Variants in RBMS3 observed in about 807,000 individuals in gnomAD.
The protein encoded by RBMS3 is RNA binding motif single stranded interacting protein 3.
In RBMS3, 27 loss-of-function variants were observed where a neutral mutation model predicts 66.8. The observed-to-expected ratio is 0.40, with a 90% CI of 0.30 to 0.56. The LOEUF (loss-of-function observed/expected upper bound fraction) is 0.56. RBMS3 is among the 20% of genes least tolerant of loss of function. The probability of loss-of-function intolerance (pLI) is 0.40; values close to 1 mark genes in which losing one functional copy is unlikely to be tolerated. For synonymous variants in RBMS3, 188 were observed against 183.0 expected, an observed-to-expected ratio of 1.03 and a Z score of -0.22; for missense variants, 513 against 549.5, an observed-to-expected ratio of 0.93 and a Z score of 0.66.
At chr3:29,821,926 G>A (rs1350399999) in intron 6 of RBMS3, among the ~76,000 whole-genome samples, 1 of 152,116 alleles carries the variant, frequency 6.6e-6, no homozygotes, top group African/African-American at 2.4e-5. Context: ...GAAAAGAAGT[G>A]ACCAGGAATA....
At chr3:29,385,016 T>A (rs1472578718) in intron 1 of RBMS3, among the ~76,000 whole-genome samples, 1 of 151,940 alleles carries the variant, frequency 6.6e-6, no homozygotes, top group Non-Finnish European at 1.5e-5. Flanking sequence ...AACCTCCTCA[T>A]CTTTGACACC....
intron 1 of RBMS3, among the ~76,000 whole-genome samples, chr3:29,377,228 T>A (rs1055445637): frequency 6.6e-6 from 1 of 152,184 alleles, no homozygotes; most frequent in Admixed American, 6.5e-5. Context: ...CAATTCCTGC[T>A]ATAGCAGCAG....
At chr3:29,977,647 A>G in intron 12 of RBMS3, among the ~76,000 whole-genome samples, 1 of 152,172 alleles carries the variant, frequency 6.6e-6, no homozygotes, top group East Asian at 1.9e-4. Context: ...CTACACATTC[A>G]CATGTGAAAA....
intron 1 of RBMS3, among the ~76,000 whole-genome samples, chr3:29,431,441 T>TGC (rs2125718169): frequency 1.3e-5 from 2 of 151,916 alleles, no homozygotes; most frequent in East Asian, 3.9e-4. Context: ...TATAGGCACA[T>TGC]ACCACCATGC....
intron 6 of RBMS3, among the ~76,000 whole-genome samples, chr3:29,803,595 A>C (rs990488790): frequency 4.6e-5 from 7 of 152,070 alleles, no homozygotes; most frequent in African/African-American, 1.7e-4. Flanking sequence ...CAAAAGATAT[A>C]TTTTATCAAC....
intron 2 of RBMS3, among the ~76,000 whole-genome samples, chr3:29,440,372 G>C (rs2041572140): frequency 6.6e-6 from 1 of 152,148 alleles, no homozygotes; most frequent in Non-Finnish European, 1.5e-5. Flanking sequence ...AAGGAACAGA[G>C]TGCATTGTTT....
intron 10 of RBMS3, among the ~76,000 whole-genome samples, chr3:29,922,646 A>G (rs2060822870): frequency 6.6e-6 from 1 of 152,232 alleles, no homozygotes; most frequent in Non-Finnish European, 1.5e-5. Flanking sequence ...TTTGGCATAT[A>G]TACTATAATT....
At chr3:29,600,406 C>T (rs546463231) in intron 4 of RBMS3, among the ~76,000 whole-genome samples, 4 of 151,988 alleles carry the variant, frequency 2.6e-5, no homozygotes, top group Non-Finnish European at 4.4e-5. Context: ...GCCACTTTGA[C>T]CTTCTCTCTT....
At chr3:29,300,170 G>A (rs72849578) in intron 1 of RBMS3, among the ~76,000 whole-genome samples, 3,199 of 152,026 alleles carry the variant, frequency 0.021, 126 homozygotes, top group African/African-American at 0.073. Flanking sequence ...CAGAGTAGAC[G>A]GAGATGTTGG....
intron 3 of RBMS3, among the ~76,000 whole-genome samples, chr3:29,522,571 T>C (rs1331671685): frequency 6.6e-6 from 1 of 152,132 alleles, no homozygotes; most frequent in East Asian, 1.9e-4. Flanking sequence ...TAGAGGATTG[T>C]GGCAGGAGAT....
At chr3:29,944,126 T>C in intron 11 of RBMS3, 81 bp from the exon 12 acceptor site, 1 of 1,294,878 alleles carries the variant, frequency 7.7e-7, no homozygotes, top group Non-Finnish European at 1.1e-6. Context: ...CACAGCGGAC[T>C]CTTCCACGTG....
chr3:29,911,194 T>C (rs889631199), intron 10 of RBMS3, among the ~76,000 whole-genome samples: 1 of 151,840 alleles, frequency 6.6e-6, no homozygotes, highest in Non-Finnish European at 1.5e-5. Context: ...GACCAACAAG[T>C]GTTGGGTGTC....
chr3:29,349,206 T>C (rs2036761699), intron 1 of RBMS3, among the ~76,000 whole-genome samples: 1 of 152,170 alleles, frequency 6.6e-6, no homozygotes, highest in Admixed American at 6.5e-5. Flanking sequence ...CGTGGAGATC[T>C]ACTCCTAAAA....
intron 1 of RBMS3, among the ~76,000 whole-genome samples, chr3:29,330,307 A>G (rs770891967): frequency 1.3e-5 from 2 of 152,156 alleles, no homozygotes; most frequent in Non-Finnish European, 2.9e-5. Context: ...TGTAGGTGCT[A>G]GCAGTATGTT....
intron 3 of RBMS3, among the ~76,000 whole-genome samples, chr3:29,546,923 A>T (rs1333415294): frequency 6.6e-6 from 1 of 152,172 alleles, no homozygotes; most frequent in Non-Finnish European, 1.5e-5. Context: ...ACAACAAATT[A>T]TGCTTTATTT....
intron 4 of RBMS3, among the ~76,000 whole-genome samples, chr3:29,647,803 C>A (rs1256201841): frequency 6.6e-6 from 1 of 152,122 alleles, no homozygotes; most frequent in African/African-American, 2.4e-5. Context: ...ACACACATTT[C>A]TGTTAAAATA....
chr3:29,400,377 C>T (rs924749502), intron 1 of RBMS3, among the ~76,000 whole-genome samples: 1 of 151,882 alleles, frequency 6.6e-6, no homozygotes, highest in Non-Finnish European at 1.5e-5. Context: ...TAGTCAAATT[C>T]ATAGAGACAA....
intron 4 of RBMS3, among the ~76,000 whole-genome samples, chr3:29,704,328 A>T (rs35965474): frequency 0.42 from 63,417 of 151,048 alleles, 13,800 homozygotes; most frequent in South Asian, 0.53. Context: ...TGAATCAAAC[A>T]CATGTGTGTA....
chr3:29,611,751 A>C (rs1427341667), intron 4 of RBMS3, among the ~76,000 whole-genome samples: 2 of 152,066 alleles, frequency 1.3e-5, no homozygotes, highest in East Asian at 3.9e-4. Context: ...ACATATTTTT[A>C]GGAAATACAT....
Sources: allele counts gnomAD v4.1 joint callset (sites outside exome capture counted in the v4.1 genomes callset), GRCh38; gene constraint gnomAD v4.1.1; transcripts MANE v1.5; gene names NCBI Gene and HGNC (gene_info 2026-07-23, HGNC 2026-07-21).